The following FRYL variants were observed in gnomAD, a reference collection of about 807,000 sequenced individuals.
FRYL encodes the protein protein furry homolog-like.
FRYL carries 150 observed loss-of-function variants against 351.2 expected under a neutral mutation model. The ratio of observed to expected loss-of-function variants is 0.43; its 90% CI spans 0.37 to 0.49. The LOEUF is 0.49. Ranked by LOEUF, FRYL falls within the 20% of genes least tolerant of loss-of-function variation. FRYL has a pLI of 0.00. For synonymous variants in FRYL, 1,153 were observed against 1,257.1 expected (o/e 0.92, Z 1.75); for missense variants, 3,036 against 3,619.3 (o/e 0.84, Z 4.13).
At chr4:48,744,775 T>C (rs1365097302) in intron 1 of FRYL, among the ~76,000 whole-genome samples, 3 of 152,244 alleles carry the variant, frequency 2.0e-5, no homozygotes, top group African/African-American at 2.4e-5. Context: ...AAAGTTTCTA[T>C]TGTATTTACC....
intron 3 of FRYL, among the ~76,000 whole-genome samples, chr4:48,677,437 G>A (rs984033176): frequency 6.6e-6 from 1 of 151,390 alleles, no homozygotes; most frequent in Admixed American, 6.6e-5. Context: ...TTGAGACAGA[G>A]TCTCTCTCTG....
intron 19 of FRYL, among the ~76,000 whole-genome samples, chr4:48,583,670 G>A (rs1297506291): frequency 2.6e-5 from 4 of 151,758 alleles, no homozygotes; most frequent in Non-Finnish European, 5.9e-5. Context: ...TGGGAGGCCA[G>A]GGCAGGTGAA....
chr4:48,606,097 GAAAAAAAAAA>G (rs59467789), intron 10 of FRYL, among the ~76,000 whole-genome samples: 3 of 57,544 alleles, frequency 5.2e-5, no homozygotes, highest in African/African-American at 1.3e-4. Context: ...CTCTACTAAA[GAAAAAAAAAA>G]AAAAAAAAAA....
chr4:48,577,460 T>C (rs950345022), intron 23 of FRYL, among the ~76,000 whole-genome samples: 7 of 152,182 alleles, frequency 4.6e-5, no homozygotes, highest in Admixed American at 2.0e-4. Flanking sequence ...GAAAACGATC[T>C]AAGCACTGGT....
intron 36 of FRYL, among the ~76,000 whole-genome samples, chr4:48,552,734 G>C (rs550036485): frequency 3.9e-5 from 6 of 152,008 alleles, no homozygotes; most frequent in Non-Finnish European, 5.9e-5. Flanking sequence ...AAAAGGACTA[G>C]GTGATGAAAA....
Position 48,579,079 on chromosome 4 carries a change from A to C in FRYL, c.2422T>G (p.Phe808Val). 2.5e-6 allele frequency: 4 copies of C among 1,614,098 alleles called. No homozygotes were observed. The highest frequency in any genetic ancestry group is 3.4e-6 in the Non-Finnish European group (4 of 1,179,962). Residue 808 changes from phenylalanine to valine, a missense_variant, in exon 23 of 64, where the codon TTT (phenylalanine) becomes GTT (valine). Phe to Val is a conservative substitution (Grantham distance 50, BLOSUM62 -1). Coordinates refer to ENST00000358350, the MANE Select transcript of FRYL (RefSeq NM_015030.2). ...QDPWIISLSS[F>V]LKQENLPKHC... ...TTAGGAAGATTTTCTTGCTTTAAAA[A>C]ACTGGAGAGACTTATAATCCATGGG... is the stretch of plus-strand genomic sequence containing the variant.
At chr4:48,502,491 G>T (rs1719926688) in intron 61 of FRYL, among the ~76,000 whole-genome samples, 1 of 150,168 alleles carries the variant, frequency 6.7e-6, no homozygotes, top group Non-Finnish European at 1.5e-5. Flanking sequence ...GTTGCAGTGA[G>T]CCGAGATCAT....
At chr4:48,531,701 G>C (rs1485697552) in intron 49 of FRYL, among the ~76,000 whole-genome samples, 2 of 152,192 alleles carry the variant, frequency 1.3e-5, no homozygotes, top group Admixed American at 1.3e-4. Context: ...GCTTTTAGCT[G>C]AATGAAGTTT....
At chr4:48,761,417 G>A (rs895603623) in intron 1 of FRYL, among the ~76,000 whole-genome samples, 3 of 152,098 alleles carry the variant, frequency 2.0e-5, no homozygotes, top group African/African-American at 2.4e-5. Flanking sequence ...CCACAGTAAC[G>A]TCAAAAGGCA....
chr4:48,762,887 T>A (rs1774552330), intron 1 of FRYL, among the ~76,000 whole-genome samples: 1 of 152,018 alleles, frequency 6.6e-6, no homozygotes. Flanking sequence ...TCAACAAAAA[T>A]ATATCAAAAT....
chr4:48,525,217 T>C (rs1466985729), intron 53 of FRYL, among the ~76,000 whole-genome samples: 7 of 149,722 alleles, frequency 4.7e-5, no homozygotes, highest in Non-Finnish European at 3.0e-5. Flanking sequence ...GGATGTGATG[T>C]AAAATGTATT....
At chr4:48,643,279 T>C (rs1755689571) in intron 3 of FRYL, among the ~76,000 whole-genome samples, 1 of 152,190 alleles carries the variant, frequency 6.6e-6, no homozygotes. Context: ...CTGAGTCCTC[T>C]GTAGCTTAGA....
intron 3 of FRYL, among the ~76,000 whole-genome samples, chr4:48,680,259 A>C (rs996685748): frequency 5.3e-5 from 8 of 152,198 alleles, no homozygotes; most frequent in African/African-American, 1.9e-4. Flanking sequence ...AAAATTAAAA[A>C]AAAATCATAG....
At chr4:48,552,244 GGTGTGTGTGTGTGT>G (rs67155390) in intron 36 of FRYL, among the ~76,000 whole-genome samples, 8,903 of 145,330 alleles carry the variant, frequency 0.061, 364 homozygotes, top group Non-Finnish European at 0.09. Flanking sequence ...AGTCCAAAGG[GGTGTGTGTGTGTGT>G]GTGTGTGTGT....
At chr4:48,505,447 CTTTA>C in intron 60 of FRYL, 96 bp downstream of exon 60, 2 of 715,576 alleles carry the variant, frequency 2.8e-6, no homozygotes, top group East Asian at 5.8e-5. Context: ...TACAAATATT[CTTTA>C]TTTTTAGAAA....
At chr4:48,760,182 G>A (rs968095579) in intron 1 of FRYL, among the ~76,000 whole-genome samples, 7 of 150,222 alleles carry the variant, frequency 4.7e-5, no homozygotes, top group Admixed American at 3.3e-4. Context: ...TTTTTTTTGA[G>A]ATGGAGTCTC....
At chr4:48,617,360 T>C (rs1342445451) in intron 7 of FRYL, among the ~76,000 whole-genome samples, 1 of 151,476 alleles carries the variant, frequency 6.6e-6, no homozygotes, top group East Asian at 1.9e-4. Flanking sequence ...TTTTTTTTTT[T>C]TTTAAAGAGA....
intron 16 of FRYL, among the ~76,000 whole-genome samples, chr4:48,591,411 A>G (rs1743213049): frequency 6.6e-6 from 1 of 152,158 alleles, no homozygotes; most frequent in African/African-American, 2.4e-5. Context: ...TCTTAAATAT[A>G]CTGCTATCTT....
chr4:48,606,664 A>G, intron 9 of FRYL, 58 bp from the exon 10 acceptor site: 1 of 1,398,176 alleles, frequency 7.2e-7, no homozygotes. Context: ...TTTCCACATG[A>G]TATTTAAGGG....
Sources: allele counts gnomAD v4.1 joint callset (sites outside exome capture counted in the v4.1 genomes callset), GRCh38; gene constraint gnomAD v4.1.1; transcripts MANE v1.5; gene names NCBI Gene and HGNC (gene_info 2026-07-23, HGNC 2026-07-21).